Variants in PAQR3 observed in about 807,000 individuals in gnomAD.
The protein encoded by PAQR3 is Raf kinase trapping to Golgi.
In PAQR3, 39 loss-of-function variants were observed where a neutral mutation model predicts 41.7. The observed-to-expected ratio is 0.93, with a 90% CI of 0.72 to 1.22. The LOEUF (loss-of-function observed/expected upper bound fraction) is 1.22. Ranked by LOEUF, PAQR3 falls within the 50% of genes most tolerant of loss-of-function variation. PAQR3 has a pLI of 0.00. For missense variants in PAQR3, 366 were observed against 385.6 expected (o/e 0.95, Z 0.42); for synonymous variants, 140 against 140.6 (o/e 1.00, Z 0.03).
At chr4:78,891,119 A>T (rs967539351) in intron 11 of PAQR3, among the ~76,000 whole-genome samples, 3 of 152,200 alleles carry the variant, frequency 2.0e-5, no homozygotes, top group Non-Finnish European at 4.4e-5. Flanking sequence ...TGGCAGGGCA[A>T]ATAATTTTAG....
At chr4:78,903,022 AT>A (rs148378623) in intron 11 of PAQR3, among the ~76,000 whole-genome samples, 10,484 of 152,066 alleles carry the variant, frequency 0.069, 498 homozygotes, top group East Asian at 0.22. Flanking sequence ...TTGACTACAA[AT>A]TTTTAACTTT....
At position 78,920,510 on chromosome 4, in the gene PAQR3, A is replaced by G. The variant is rs1471717096; in HGVS notation, c.*29T>C. ...ATTCCCCATTATATATTGCTTAACA[A>G]CTGAATTCACCAGGTGGCCATACCT... On this transcript the variant is annotated 3_prime_UTR_variant, in exon 6 of 6. Transcript: ENST00000512733. 1 of 1,598,844 alleles carries G rather than the reference A, an allele frequency of 6.3e-7. No individual in the cohort carries two copies. Among genetic ancestry groups the G allele is most frequent in the Non-Finnish European group, 8.5e-7 (1 of 1,172,770 alleles).
intron 1 of PAQR3, 124 bp downstream of exon 1, chr4:78,938,916 A>C: frequency 1.1e-6 from 1 of 947,910 alleles, no homozygotes; most frequent in East Asian, 2.8e-5. Context: ...AAAAGGGATG[A>C]AAAGGATGGG....
chr4:78,935,329 TA>T, intron 1 of PAQR3, 46 bp from the exon 2 acceptor site: 1 of 1,543,904 alleles, frequency 6.5e-7, no homozygotes, highest in Non-Finnish European at 8.8e-7. Flanking sequence ...TTGGCCAACT[TA>T]CTGTCACGTT....
At chr4:78,927,962 G>A (rs1386186443) in intron 3 of PAQR3, among the ~76,000 whole-genome samples, 1 of 152,158 alleles carries the variant, frequency 6.6e-6, no homozygotes, top group Non-Finnish European at 1.5e-5. Flanking sequence ...GGTAAAACGA[G>A]TCTTTTATAG....
chr4:78,938,019 G>A (rs995476921), intron 1 of PAQR3, among the ~76,000 whole-genome samples: 7 of 152,218 alleles, frequency 4.6e-5, no homozygotes, highest in Non-Finnish European at 7.3e-5. Flanking sequence ...AGTAGGGATG[G>A]GCAGTGATGT....
At chr4:78,893,519 G>A (rs1023431310) in intron 11 of PAQR3, among the ~76,000 whole-genome samples, 2 of 152,200 alleles carry the variant, frequency 1.3e-5, no homozygotes, top group Admixed American at 6.5e-5. Flanking sequence ...ATTCATGAGA[G>A]AATTCACTAT....
downstream of PAQR3, chr4:78,910,798 C>T (rs749191771): frequency 1.2e-6 from 2 of 1,613,796 alleles, no homozygotes; most frequent in Admixed American, 1.7e-5. Flanking sequence ...TCCCCCTTCT[C>T]CTAAGAGCAG....
In PAQR3 at chr4:78,935,295, A is replaced by AC; in HGVS notation, c.186-13dup. ...ATAAAATAAACAAACTGGAAAATAA[A>AC]CACACATGCAACTGAGATTCACATT... On this transcript the variant is annotated splice_polypyrimidine_tract_variant and intron_variant, in intron 1 of 5. Coordinates refer to ENST00000512733, the MANE Select transcript of PAQR3 (RefSeq NM_001040202.2). 1.9e-6 allele frequency: 3 copies of AC among 1,606,790 alleles called. No homozygotes were observed. The highest frequency in any genetic ancestry group is 2.5e-6 in the Non-Finnish European group (3 of 1,177,750).
chr4:78,928,575 C>G (rs1009559891), intron 3 of PAQR3, among the ~76,000 whole-genome samples: 2 of 151,916 alleles, frequency 1.3e-5, no homozygotes, highest in African/African-American at 4.8e-5. Flanking sequence ...CTGAAAAATC[C>G]CAAGCAATGT....
chr4:78,935,248 C>T lies in PAQR3; in HGVS notation c.221G>A (p.Trp74Ter). The change falls in exon 2 of 6, where the codon TGG becomes TAG. Residue 74 changes from tryptophan to a stop codon, truncating the protein, a stop_gained. Coordinates refer to ENST00000512733, the MANE Select transcript of PAQR3 (RefSeq NM_001040202.2). LOFTEE classifies it high-confidence loss of function. ...GAGAAAGAAACCCAGCAAATGACTC[C>T]AGATGTTTACTGTCTCATTAGATAA... is the stretch of plus-strand genomic sequence containing the variant. ...FILSNETVNI[W>*]SHLLGFFLFF... 6.2e-7 allele frequency: 1 copy of T among 1,613,350 alleles called. No individual in the cohort carries two copies. The highest frequency in any genetic ancestry group is 8.5e-7 in the Non-Finnish European group (1 of 1,179,712).
At chr4:78,908,837 T>G (rs1226789807), downstream of PAQR3, among the ~76,000 whole-genome samples, 1 of 152,144 alleles carries the variant, frequency 6.6e-6, no homozygotes, top group African/African-American at 2.4e-5. Context: ...AGGTATACAG[T>G]GCATAATAAT....
Position 78,917,844 on chromosome 4 carries a change from G to A in PAQR3, c.*2695C>T. On this transcript the variant is annotated 3_prime_UTR_variant, in exon 6 of 6. Transcript: ENST00000512733. ...ATTCTGTCCAGGTGGGATGCCATAA[G>A]ATGTGACAGACATTCCCTGAATCTT... The A allele has an allele frequency of 1.0e-6, 1 of 985,456 alleles. No individual in the cohort carries two copies. The highest frequency in any genetic ancestry group is 1.7e-5 in the African/African-American group (1 of 57,294). 61.0% of individuals were successfully genotyped at this position (985,456 alleles called of 1,614,324 possible). A position where few individuals can be genotyped will look rare whatever the true frequency, so the allele number is the denominator to read the frequency against.
chr4:78,889,323 A>C (rs1282999924), intron 11 of PAQR3, among the ~76,000 whole-genome samples: 1 of 152,120 alleles, frequency 6.6e-6, no homozygotes, highest in Non-Finnish European at 1.5e-5. Flanking sequence ...TTGGTTATGA[A>C]AAAAGTATAT....
chr4:78,910,640 C>T (rs1734537460), downstream of PAQR3: 2 of 1,556,384 alleles, frequency 1.3e-6, no homozygotes, highest in East Asian at 2.2e-5. Context: ...GAACATTCAT[C>T]TATAAATCAA....
In PAQR3 at chr4:78,930,196, C is replaced by T; in HGVS notation, c.478G>A (p.Val160Ile). 1.2e-6 allele frequency: 2 copies of T among 1,611,904 alleles called. No homozygotes were observed. The highest frequency in any genetic ancestry group is 1.7e-5 in the Admixed American group (1 of 59,584). Reference sequence around the variant, plus strand: ...TTATTACAATAAAATGCGTAAAATACTCCTGAGACATAGCAGCCCAGTATT... The same window carrying T: ...TTATTACAATAAAATGCGTAAAATATTCCTGAGACATAGCAGCCCAGTATT... ...IGILGCYVSG[V>I]FYAFYCNNYW... Residue 160 changes from valine to isoleucine, a missense_variant, in exon 3 of 6, where the codon GTA (valine) becomes ATA (isoleucine). Val to Ile is a conservative substitution (Grantham distance 29). Coordinates refer to ENST00000512733, the MANE Select transcript of PAQR3 (RefSeq NM_001040202.2).
intron 5 of PAQR3, chr4:78,922,496 T>A: frequency 8.4e-7 from 1 of 1,191,868 alleles, no homozygotes. Context: ...CTCTCCAAAC[T>A]GAAAAAAAAC....
At chr4:78,900,342 C>T (rs1733932231) in intron 11 of PAQR3, among the ~76,000 whole-genome samples, 1 of 152,176 alleles carries the variant, frequency 6.6e-6, no homozygotes, top group African/African-American at 2.4e-5. Flanking sequence ...AAAAGTTACA[C>T]ATGGATTTTT....
chr4:78,922,209 A>G (rs1735723043), intron 5 of PAQR3: 10 of 1,184,372 alleles, frequency 8.4e-6, no homozygotes, highest in Non-Finnish European at 1.1e-5. Context: ...GGCATGTCCT[A>G]GATCTGTTCC....
Sources: allele counts gnomAD v4.1 joint callset (sites outside exome capture counted in the v4.1 genomes callset), GRCh38; gene constraint gnomAD v4.1.1; transcripts MANE v1.5; gene names NCBI Gene and HGNC (gene_info 2026-07-23, HGNC 2026-07-21).